GNAQ: variants seen among roughly 807,000 people sequenced by gnomAD.
GNAQ encodes the protein guanine nucleotide-binding protein G(q) subunit alpha.
Under a neutral mutation model 43.9 loss-of-function variants are expected in GNAQ, and 8 were observed. The observed-to-expected ratio is 0.18, with a 90% CI of 0.11 to 0.33. The LOEUF is 0.33. Among genes scored for constraint, GNAQ ranks in the 10% least tolerant of loss-of-function variants. GNAQ has a pLI of 1.00. For synonymous variants in GNAQ, 155 were observed against 170.7 expected (o/e 0.91, Z 0.71); for missense variants, 158 against 450.8 (o/e 0.35, Z 5.88).
At chr9:77,934,740 CAA>C in intron 1 of GNAQ, among the ~76,000 whole-genome samples, 1 of 152,286 alleles carries the variant, frequency 6.6e-6, no homozygotes, top group Non-Finnish European at 1.5e-5. Context: ...TCATGGAAAA[CAA>C]AAGTTACTGA....
intron 2 of GNAQ, among the ~76,000 whole-genome samples, chr9:77,864,680 C>A (rs1166130942): frequency 6.6e-6 from 1 of 152,214 alleles, no homozygotes; most frequent in Non-Finnish European, 1.5e-5. Flanking sequence ...GCCCCAGTGA[C>A]ACTTGGGTTT....
intron 1 of GNAQ, among the ~76,000 whole-genome samples, chr9:77,949,942 A>G (rs1822955480): frequency 1.3e-5 from 2 of 152,288 alleles, no homozygotes; most frequent in African/African-American, 4.8e-5. Flanking sequence ...TTCCCGATCC[A>G]TGCAGCCAAG....
chr9:77,722,332 TTG>T (rs1825329169), intron 6 of GNAQ, among the ~76,000 whole-genome samples: 1 of 152,038 alleles, frequency 6.6e-6, no homozygotes, highest in Admixed American at 6.5e-5. Context: ...AGACAAGGTT[TTG>T]CCATGTTGGC....
intron 1 of GNAQ, among the ~76,000 whole-genome samples, chr9:77,988,888 C>T (rs888187801): frequency 2.0e-5 from 3 of 152,132 alleles, no homozygotes; most frequent in Non-Finnish European, 2.9e-5. Flanking sequence ...ACTATTACTT[C>T]ATAAGATTTA....
rs909909684 is a variant in GNAQ, at chr9:77,719,642, C to T, written c.*1681G>A. On this transcript the variant is annotated 3_prime_UTR_variant, in exon 7 of 7. Transcript: ENST00000286548. ...ATGAGACCAGTATCATGGCCTAATT[C>T]TAACGTCCCAGCAGCTTTGAACAAT... The T allele has an allele frequency of 3.0e-5, 7 of 232,732 alleles. No individual in the cohort carries two copies. Among genetic ancestry groups the T allele is most frequent in the Middle Eastern group, 1.2e-3 (1 of 806 alleles). The allele number at this position is 232,732 out of a possible 1,614,324, so 14.4% of individuals were successfully genotyped here.
chr9:77,972,801 A>G (rs1823253434), intron 1 of GNAQ, among the ~76,000 whole-genome samples: 1 of 151,930 alleles, frequency 6.6e-6, no homozygotes, highest in Non-Finnish European at 1.5e-5. Context: ...AAAAATACAA[A>G]AATTAGCCGG....
intron 2 of GNAQ, among the ~76,000 whole-genome samples, chr9:77,857,238 C>T (rs1252872209): frequency 1.3e-5 from 2 of 152,322 alleles, no homozygotes; most frequent in African/African-American, 4.8e-5. Flanking sequence ...GGGCCCATTT[C>T]TTTACCAAAC....
At chr9:77,953,018 T>C (rs561889669) in intron 1 of GNAQ, among the ~76,000 whole-genome samples, 2 of 152,350 alleles carry the variant, frequency 1.3e-5, no homozygotes, top group South Asian at 2.1e-4. Flanking sequence ...ACATTATTGA[T>C]AAAATAATAC....
chr9:77,798,050 T>C (rs1262893484), intron 3 of GNAQ, among the ~76,000 whole-genome samples: 1 of 152,220 alleles, frequency 6.6e-6, no homozygotes, highest in Admixed American at 6.5e-5. Flanking sequence ...GCCTTTTTTT[T>C]CTTTTTCTTT....
chr9:77,998,040 CCCA>C (rs1167099762), intron 1 of GNAQ, among the ~76,000 whole-genome samples: 2 of 152,172 alleles, frequency 1.3e-5, no homozygotes, highest in Non-Finnish European at 2.9e-5. Context: ...TCCTTTCTTC[CCCA>C]CTTCTCATAC....
At chr9:77,968,925 C>T (rs1277899342) in intron 1 of GNAQ, among the ~76,000 whole-genome samples, 1 of 152,216 alleles carries the variant, frequency 6.6e-6, no homozygotes, top group Non-Finnish European at 1.5e-5. Context: ...ATGCCACCAG[C>T]AAATGCACCC....
intron 5 of GNAQ, among the ~76,000 whole-genome samples, chr9:77,792,070 A>G (rs1826583616): frequency 6.6e-6 from 1 of 151,854 alleles, no homozygotes; most frequent in African/African-American, 2.4e-5. Flanking sequence ...ATTAAAAAAT[A>G]TTTTTTTGAC....
chr9:77,892,694 G>A (rs150628958), intron 2 of GNAQ, among the ~76,000 whole-genome samples: 281 of 152,262 alleles, frequency 1.8e-3, no homozygotes, highest in African/African-American at 6.0e-3. Flanking sequence ...CATAAATGAC[G>A]TGGAAATCAA....
At chr9:77,756,661 A>C (rs1017798228) in intron 5 of GNAQ, among the ~76,000 whole-genome samples, 1 of 152,184 alleles carries the variant, frequency 6.6e-6, no homozygotes, top group African/African-American at 2.4e-5. Context: ...TTAACAGAGA[A>C]ATGCACATCT....
At chr9:77,869,401 C>G (rs1029688932) in intron 2 of GNAQ, among the ~76,000 whole-genome samples, 1 of 152,106 alleles carries the variant, frequency 6.6e-6, no homozygotes, top group African/African-American at 2.4e-5. Context: ...CGGTTTCCTA[C>G]GCTTACTGGG....
At chr9:77,876,370 G>C (rs1322903944) in intron 2 of GNAQ, among the ~76,000 whole-genome samples, 4 of 152,176 alleles carry the variant, frequency 2.6e-5, no homozygotes, top group Non-Finnish European at 5.9e-5. Flanking sequence ...CCCTGTCTGG[G>C]GGAGTTTAGG....
chr9:77,964,396 G>GAA (rs1823141671), intron 1 of GNAQ, among the ~76,000 whole-genome samples: 3 of 152,116 alleles, frequency 2.0e-5, no homozygotes, highest in African/African-American at 7.2e-5. Context: ...CAAGTAGAGA[G>GAA]AAATACATCA....
chr9:77,792,533 T>C (rs1013121637), intron 5 of GNAQ, among the ~76,000 whole-genome samples: 2 of 152,124 alleles, frequency 1.3e-5, no homozygotes, highest in Admixed American at 6.5e-5. Context: ...ATGGAATAAA[T>C]GATCTGTAAT....
At chr9:77,850,810 T>C (rs745469738) in intron 2 of GNAQ, among the ~76,000 whole-genome samples, 2 of 152,146 alleles carry the variant, frequency 1.3e-5, no homozygotes, top group African/African-American at 4.8e-5. Context: ...CCGACTCAAA[T>C]GCCTCCTTTT....
Sources: allele counts gnomAD v4.1 joint callset (sites outside exome capture counted in the v4.1 genomes callset), GRCh38; gene constraint gnomAD v4.1.1; transcripts MANE v1.5; gene names NCBI Gene and HGNC (gene_info 2026-07-23, HGNC 2026-07-21).